The following EXOC4 variants were observed in gnomAD, a reference collection of about 807,000 sequenced individuals.
EXOC4 encodes the protein exocyst complex component 4, also known as SEC8-like 1.
A neutral mutation model predicts 107.2 loss-of-function variants in EXOC4; 71 were observed. That is an observed-to-expected ratio of 0.66 (90% CI 0.55 to 0.81). The LOEUF is 0.81. Ranked by LOEUF, EXOC4 falls within the 30% of genes least tolerant of loss-of-function variation. EXOC4 has a pLI of 0.00. For synonymous variants in EXOC4, 456 were observed against 441.2 expected (o/e 1.03, Z -0.42); for missense variants, 1,108 against 1,189.6 (o/e 0.93, Z 1.01).
chr7:133,611,264 G>GTCTC (rs1186078003), intron 9 of EXOC4, among the ~76,000 whole-genome samples: 1 of 152,126 alleles, frequency 6.6e-6, no homozygotes, highest in African/African-American at 2.4e-5. Context: ...GTTGATGATG[G>GTCTC]TCTCAGAAGG....
At chr7:133,770,806 C>T (rs756432977) in intron 10 of EXOC4, among the ~76,000 whole-genome samples, 3 of 151,908 alleles carry the variant, frequency 2.0e-5, no homozygotes, top group Non-Finnish European at 4.4e-5. Context: ...GTTTGTACCT[C>T]TTAATATAAT....
At chr7:133,356,724 T>C (rs1796029286) in intron 6 of EXOC4, 151 bp downstream of exon 6, 1 of 893,170 alleles carries the variant, frequency 1.1e-6, no homozygotes, top group African/African-American at 1.7e-5. Flanking sequence ...CTCACGCCTG[T>C]TATCCCAGCA....
chr7:133,686,993 TTGTGTGTGTGTGTG>T (rs1027053373), intron 10 of EXOC4, among the ~76,000 whole-genome samples: 9 of 7,572 alleles, frequency 1.2e-3, no homozygotes, highest in African/African-American at 2.2e-3. Flanking sequence ...ATAAAGAATT[TTGTGTGTGTGTGTG>T]TGTGTGTGTG....
chr7:133,683,158 G>A (rs1794223455), intron 10 of EXOC4, among the ~76,000 whole-genome samples: 1 of 152,118 alleles, frequency 6.6e-6, no homozygotes, highest in South Asian at 2.1e-4. Context: ...TTCCCCTTGT[G>A]TTTATATTGC....
At chr7:133,410,323 A>G (rs1168638239) in intron 7 of EXOC4, among the ~76,000 whole-genome samples, 3 of 152,214 alleles carry the variant, frequency 2.0e-5, no homozygotes, top group Admixed American at 6.5e-5. Flanking sequence ...CATTAGGGAA[A>G]TTAAGAGTTT....
intron 9 of EXOC4, among the ~76,000 whole-genome samples, chr7:133,578,537 G>A (rs1801183000): frequency 6.6e-6 from 1 of 152,120 alleles, no homozygotes; most frequent in African/African-American, 2.4e-5. Flanking sequence ...ACATGGTGAT[G>A]TACTTTTGAA....
At chr7:133,443,622 C>T (rs949804652) in intron 7 of EXOC4, among the ~76,000 whole-genome samples, 2 of 152,120 alleles carry the variant, frequency 1.3e-5, no homozygotes, top group Non-Finnish European at 2.9e-5. Context: ...CACTTCCATG[C>T]AGGTTGTCTT....
At chr7:133,542,996 G>T (rs1284367911) in intron 9 of EXOC4, among the ~76,000 whole-genome samples, 1 of 152,030 alleles carries the variant, frequency 6.6e-6, no homozygotes, top group Non-Finnish European at 1.5e-5. Flanking sequence ...GCTATCAAAA[G>T]AATGTTTTGC....
At chr7:133,641,249 A>G (rs10488170) in intron 10 of EXOC4, among the ~76,000 whole-genome samples, 34,428 of 152,052 alleles carry the variant, frequency 0.23, 5,260 homozygotes, top group East Asian at 0.49. Context: ...ACAGGCAGTC[A>G]CTAAAAATGT....
chr7:134,004,380 G>A (rs1454788027), intron 15 of EXOC4, among the ~76,000 whole-genome samples: 1 of 152,038 alleles, frequency 6.6e-6, no homozygotes, highest in Admixed American at 6.6e-5. Context: ...CATATTTCGT[G>A]GATAAGGAAC....
At chr7:134,046,447 A>G (rs1795652840) in intron 17 of EXOC4, among the ~76,000 whole-genome samples, 1 of 151,824 alleles carries the variant, frequency 6.6e-6, no homozygotes, top group South Asian at 2.1e-4. Flanking sequence ...TCTAGCCAGG[A>G]CGACAGAGTA....
intron 7 of EXOC4, among the ~76,000 whole-genome samples, chr7:133,376,177 A>C (rs1259795661): frequency 6.6e-6 from 1 of 152,184 alleles, no homozygotes; most frequent in Non-Finnish European, 1.5e-5. Flanking sequence ...TTCATTAGAC[A>C]ACTTTTGGTA....
chr7:133,859,599 T>C (rs1198599825), intron 11 of EXOC4, among the ~76,000 whole-genome samples: 1 of 152,170 alleles, frequency 6.6e-6, no homozygotes, highest in Admixed American at 6.6e-5. Flanking sequence ...GGAAATCATA[T>C]TGAAGACAAG....
chr7:133,874,054 A>G (rs1278309985), intron 11 of EXOC4, among the ~76,000 whole-genome samples: 2 of 152,316 alleles, frequency 1.3e-5, no homozygotes. Flanking sequence ...TCTAGGAAAT[A>G]TGACTCATCT....
chr7:133,578,072 A>T (rs1285271305), intron 9 of EXOC4, among the ~76,000 whole-genome samples: 1 of 152,152 alleles, frequency 6.6e-6, no homozygotes, highest in Non-Finnish European at 1.5e-5. Context: ...TTCCAATTGA[A>T]CATACCTTTG....
chr7:133,676,107 A>G (rs113013414), intron 10 of EXOC4, among the ~76,000 whole-genome samples: 109 of 152,136 alleles, frequency 7.2e-4, no homozygotes, highest in African/African-American at 2.6e-3. Context: ...TGGCGTGAGA[A>G]TTGCAGTCAT....
At chr7:134,044,941 A>G (rs1563102936) in intron 17 of EXOC4, among the ~76,000 whole-genome samples, 1 of 152,206 alleles carries the variant, frequency 6.6e-6, no homozygotes, top group African/African-American at 2.4e-5. Context: ...GAGGTAGGGT[A>G]TGATAGTGTA....
chr7:133,259,904 A>G (rs1204027736), intron 1 of EXOC4, among the ~76,000 whole-genome samples: 1 of 152,152 alleles, frequency 6.6e-6, no homozygotes, highest in Non-Finnish European at 1.5e-5. Context: ...TCTTAAGTAT[A>G]TGGCTTGATG....
chr7:133,750,173 C>G (rs1795766649), intron 10 of EXOC4, among the ~76,000 whole-genome samples: 1 of 151,974 alleles, frequency 6.6e-6, no homozygotes, highest in Non-Finnish European at 1.5e-5. Flanking sequence ...GCTTCTGTTT[C>G]TCCACTACAT....
Sources: allele counts gnomAD v4.1 joint callset (sites outside exome capture counted in the v4.1 genomes callset), GRCh38; gene constraint gnomAD v4.1.1; transcripts MANE v1.5; gene names NCBI Gene and HGNC (gene_info 2026-07-23, HGNC 2026-07-21).